XDH: variants seen among roughly 807,000 people sequenced by gnomAD.
The protein encoded by XDH is xanthine dehydrogenase/oxidase.
In XDH, 138 loss-of-function variants were observed where a neutral mutation model predicts 156.1. That is an observed-to-expected ratio of 0.88 (90% CI 0.77 to 1.02). The LOEUF (loss-of-function observed/expected upper bound fraction) is 1.02. Among genes scored for constraint, XDH ranks in the 50% least tolerant of loss-of-function variants. The pLI, the probability that XDH is intolerant of heterozygous loss-of-function variation, is 0.00. For missense variants in XDH, 1,849 were observed against 1,684.9 expected, an observed-to-expected ratio of 1.10 and a Z score of -1.71; for synonymous variants, 669 against 625.7, an observed-to-expected ratio of 1.07 and a Z score of -1.03.
intron 24 of XDH, among the ~76,000 whole-genome samples, chr2:31,353,948 G>A (rs1685558757): frequency 6.6e-6 from 1 of 152,102 alleles, no homozygotes; most frequent in Admixed American, 6.5e-5. Flanking sequence ...ACCTTATGAT[G>A]GAGTCACTGG....
At position 31,334,343 on chromosome 2, in the gene XDH, A is replaced by G. The variant is rs1424127104; in HGVS notation, c.*1615T>C. ...CAACCAGCTGACAGTTTCATTTATTAGTGACATCAAGCACCAGTCCAACTA... is the reference window on the plus strand; with the variant it reads ...CAACCAGCTGACAGTTTCATTTATTGGTGACATCAAGCACCAGTCCAACTA... On this transcript the variant is annotated 3_prime_UTR_variant, in exon 36 of 36. Coordinates refer to ENST00000379416, the MANE Select transcript of XDH (RefSeq NM_000379.4). 2.0e-5 allele frequency: 3 copies of G among 152,200 alleles called. No homozygotes were observed. Among genetic ancestry groups the G allele is most frequent in the African/African-American group, 7.2e-5 (3 of 41,440 alleles). 9.4% of individuals were successfully genotyped at this position (152,200 alleles called of 1,614,324 possible). A position where few individuals can be genotyped will look rare whatever the true frequency, so the allele number is the denominator to read the frequency against.
intron 1 of XDH, among the ~76,000 whole-genome samples, chr2:31,406,165 T>A (rs957590014): frequency 1.3e-5 from 2 of 152,194 alleles, no homozygotes; most frequent in Admixed American, 1.3e-4. Context: ...AGCAATATGA[T>A]CATGGGGGCA....
intron 1 of XDH, among the ~76,000 whole-genome samples, chr2:31,410,411 A>C (rs1430166764): frequency 3.9e-5 from 6 of 152,236 alleles, no homozygotes; most frequent in Non-Finnish European, 8.8e-5. Flanking sequence ...TTATTTAAAA[A>C]AAGAATATCA....
chr2:31,390,191 T>C (rs546434139), intron 6 of XDH, among the ~76,000 whole-genome samples: 2 of 152,348 alleles, frequency 1.3e-5, no homozygotes, highest in African/African-American at 4.8e-5. Context: ...TTTCCCCTAA[T>C]CACTGGCAAC....
Position 31,370,342 on chromosome 2 carries a change from A to T in XDH, c.1980+13T>A. ...TATTCAATTTACTTCATATAAAAAA[A>T]TCCAAGACTTACCTTATCCTTCGCA... On this transcript the variant is annotated intron_variant, in intron 18 of 35. Transcript: ENST00000379416. 6.2e-7 allele frequency: 1 copy of T among 1,614,148 alleles called. No individual in the cohort carries two copies. Among genetic ancestry groups the T allele is most frequent in the South Asian group, 1.1e-5 (1 of 91,086 alleles).
Position 31,368,047 on chromosome 2 carries a change from T to C in XDH, c.2111A>G (p.Lys704Arg), listed in dbSNP as rs1235001025. ...PAIITIEDAI[K>R]NNSFYGPELK... ...CTCAGGTCCATAAAAGGAGTTGTTC[T>C]TTATAGCATCCTGAGGATCACAAAG... is the stretch of plus-strand genomic sequence containing the variant. The change falls in exon 20 of 36, where the codon AAG (lysine) becomes AGG (arginine). Residue 704 changes from lysine (K) to arginine (R), a missense_variant. Transcript: ENST00000379416. 2.5e-6 allele frequency: 4 copies of C among 1,614,016 alleles called. No homozygotes were observed. In the East Asian group the frequency reaches 8.9e-5, roughly 36 times the overall value.
chr2:31,383,995 G>C (rs1046468966), intron 9 of XDH, 148 bp from the exon 10 acceptor site: 4 of 773,420 alleles, frequency 5.2e-6, no homozygotes, highest in Non-Finnish European at 8.8e-6. Flanking sequence ...TCTGGGAATA[G>C]GAAACTCAGT....
intron 33 of XDH, among the ~76,000 whole-genome samples, chr2:31,340,837 A>C (rs1685106533): frequency 6.6e-6 from 1 of 151,846 alleles, no homozygotes; most frequent in Non-Finnish European, 1.5e-5. Flanking sequence ...ACCTCCCTTT[A>C]CTACTTCTGC....
At chr2:31,358,257 C>A (rs1685679385) in intron 24 of XDH, among the ~76,000 whole-genome samples, 1 of 152,132 alleles carries the variant, frequency 6.6e-6, no homozygotes, top group Non-Finnish European at 1.5e-5. Flanking sequence ...GACCACAGTG[C>A]AATTTAATCA....
rs760911083 is a variant in XDH, at chr2:31,342,191, C to T, written c.3511G>A (p.Asp1171Asn). 6.2e-7 allele frequency: 1 copy of T among 1,614,044 alleles called. No homozygotes were observed. Among genetic ancestry groups the T allele is most frequent in the South Asian group, 1.1e-5 (1 of 91,070 alleles). Residue 1171 changes from aspartate to asparagine, a missense_variant, in exon 32 of 36, where the codon GAT becomes AAT. Coordinates refer to ENST00000379416, the MANE Select transcript of XDH (RefSeq NM_000379.4). ...SEVEIDCLTG[D>N]HKNLRTDIVM... is the part of the protein sequence containing the mutation. ...TTTTGCAAACTTCTTACCTTATGATCTCCTGTTAGGCAGTCGATTTCTACT... is the reference window on the plus strand; with the variant it reads ...TTTTGCAAACTTCTTACCTTATGATTTCCTGTTAGGCAGTCGATTTCTACT...
chr2:31,412,314 C>T (rs147921967), intron 1 of XDH, among the ~76,000 whole-genome samples: 297 of 152,298 alleles, frequency 2.0e-3, no homozygotes, highest in African/African-American at 6.7e-3. Context: ...ACACCTTCTG[C>T]AGGACCCCAT....
At chr2:31,338,296 T>A (rs972991571) in intron 34 of XDH, among the ~76,000 whole-genome samples, 5 of 152,210 alleles carry the variant, frequency 3.3e-5, no homozygotes, top group African/African-American at 1.2e-4. Context: ...TTTTCTAGCA[T>A]AGGTTGGTTT....
rs769919196 is a variant in XDH at position 31,375,403 on chromosome 2, G to T, written c.1579C>A (p.Leu527Met). ...ACGTCTTCCAGGTTCTCTTGGCCCA[G>T]CTTCTGAAGGACTGTCAGGTAGAAC... ...FKFYLTVLQK[L>M]GQENLEDKCG... The change falls in exon 15 of 36, where the codon CTG (leucine) becomes ATG (methionine). Residue 527 changes from leucine to methionine, a missense_variant. Coordinates refer to ENST00000379416, the MANE Select transcript of XDH (RefSeq NM_000379.4). 2 of 1,614,178 alleles carry T rather than the reference G, an allele frequency of 1.2e-6. No individual in the cohort carries two copies. Among genetic ancestry groups the T allele is most frequent in the Non-Finnish European group, 1.7e-6 (2 of 1,180,036 alleles).
Position 31,372,296 on chromosome 2 carries a change from G to A in XDH, c.1788C>T (p.Asp596=). The A allele has an allele frequency of 1.2e-6, 2 of 1,614,250 alleles. No homozygotes were observed. Among genetic ancestry groups the A allele is most frequent in the Non-Finnish European group, 1.7e-6 (2 of 1,180,052 alleles). ...ACAGCTCATTCTCGTAGCGAGGAAT[G>A]TCGTCACAGTACACGGCCTCACCAG... ...QASGEAVYCD[D]IPRYENELSL... is the part of the protein sequence containing the mutation. Residue 596 remains aspartate (D), a synonymous_variant, in exon 17 of 36, where the codon GAC becomes GAT. Coordinates refer to ENST00000379416, the MANE Select transcript of XDH (RefSeq NM_000379.4).
At chr2:31,339,151 C>T (rs866574453) in intron 34 of XDH, among the ~76,000 whole-genome samples, 2 of 152,122 alleles carry the variant, frequency 1.3e-5, no homozygotes, top group African/African-American at 4.8e-5. Context: ...CCTGTAAAAT[C>T]ATCTCTTAGG....
chr2:31,398,661 G>A lies in XDH; in HGVS notation c.345C>T (p.Phe115=), dbSNP rs1330052011. 6.2e-7 allele frequency: 1 copy of A among 1,614,166 alleles called. No individual in the cohort carries two copies. The highest frequency in any genetic ancestry group is 1.1e-5 in the South Asian group (1 of 91,080). Residue 115 remains phenylalanine (F), a synonymous_variant, in exon 5 of 36, where the codon TTC becomes TTT. Transcript: ENST00000379416. ...TACTCATGACGATGCCAGGGGTGCA[G>A]AACCCGCACTGGGAGCCGTGGCTTT... ...IAKSHGSQCG[F]CTPGIVMSMY...
intron 11 of XDH, among the ~76,000 whole-genome samples, chr2:31,382,597 AAGG>A (rs1686468246): frequency 6.6e-6 from 1 of 152,124 alleles, no homozygotes; most frequent in Non-Finnish European, 1.5e-5. Flanking sequence ...ATAGCTCTGA[AAGG>A]AAATTCCCCT....
At chr2:31,383,494 C>T (rs760686933) in intron 10 of XDH, among the ~76,000 whole-genome samples, 24 of 152,154 alleles carry the variant, frequency 1.6e-4, no homozygotes, top group Admixed American at 3.9e-4. Flanking sequence ...TCCCCACCCC[C>T]GCATGAGTGA....
chr2:31,386,625 A>T (rs1485503353), intron 8 of XDH, 70 bp from the exon 9 acceptor site: 2 of 1,602,386 alleles, frequency 1.2e-6, no homozygotes, highest in African/African-American at 2.7e-5. Context: ...AAATTGCTTT[A>T]AGTCCTCAAT....
Sources: gnomAD v4.1 joint callset for allele counts (sites outside exome capture counted in the v4.1 genomes callset) on GRCh38, gnomAD v4.1.1 for gene constraint, MANE v1.5 for transcripts, NCBI Gene and HGNC (gene_info 2026-07-23, HGNC 2026-07-21) for gene names.